The following PIBF1 variants were observed in gnomAD, a reference collection of about 807,000 sequenced individuals.
PIBF1 encodes progesterone immunomodulatory binding factor 1.
Under a neutral mutation model 112.5 loss-of-function variants are expected in PIBF1, and 90 were observed. The observed-to-expected ratio is 0.80, with a 90% CI of 0.67 to 0.95. The LOEUF (loss-of-function observed/expected upper bound fraction) is 0.95. Among genes scored for constraint, PIBF1 ranks in the 40% least tolerant of loss-of-function variants. PIBF1 has a pLI of 0.00. For synonymous variants in PIBF1, 301 were observed against 288.6 expected (o/e 1.04, Z -0.44); for missense variants, 915 against 852.3 (o/e 1.07, Z -0.92).
At chr13:72,944,258 C>A (rs530408726) in intron 14 of PIBF1, among the ~76,000 whole-genome samples, 19 of 151,924 alleles carry the variant, frequency 1.3e-4, no homozygotes, top group Non-Finnish European at 2.2e-4. Context: ...ACCAGCCTGG[C>A]CAACATGGTG....
At chr13:73,009,079 A>G (rs1325651370) in intron 17 of PIBF1, among the ~76,000 whole-genome samples, 2 of 151,888 alleles carry the variant, frequency 1.3e-5, no homozygotes, top group South Asian at 2.1e-4. Context: ...AGAGTGTGGC[A>G]TCTGTTCTTA....
chr13:72,882,183 C>G (rs1054095088), intron 10 of PIBF1, among the ~76,000 whole-genome samples: 1 of 152,066 alleles, frequency 6.6e-6, no homozygotes, highest in African/African-American at 2.4e-5. Flanking sequence ...CAACAACATA[C>G]ATTGGGGAAA....
intron 12 of PIBF1, among the ~76,000 whole-genome samples, chr13:72,909,753 A>G (rs1235942699): frequency 6.6e-6 from 1 of 152,084 alleles, no homozygotes; most frequent in Non-Finnish European, 1.5e-5. Flanking sequence ...CGACCTCCCA[A>G]AATGCTGGGA....
intron 16 of PIBF1, among the ~76,000 whole-genome samples, chr13:72,981,122 G>A (rs1307119523): frequency 1.3e-5 from 2 of 151,900 alleles, no homozygotes; most frequent in Admixed American, 6.6e-5. Context: ...GCAGACACCC[G>A]TAGTCCCAGC....
chr13:73,004,089 G>A (rs2043956553), intron 17 of PIBF1, among the ~76,000 whole-genome samples: 1 of 152,170 alleles, frequency 6.6e-6, no homozygotes, highest in South Asian at 2.1e-4. Context: ...GGTTTTGGAG[G>A]ACTCTAGGTT....
intron 2 of PIBF1, among the ~76,000 whole-genome samples, chr13:72,784,312 G>A (rs1019188500): frequency 1.3e-4 from 19 of 150,694 alleles, no homozygotes; most frequent in Non-Finnish European, 2.5e-4. Flanking sequence ...CAGCCATGAT[G>A]GTGGGTGCCT....
intron 4 of PIBF1, among the ~76,000 whole-genome samples, chr13:72,797,191 TA>T (rs1301354954): frequency 7.9e-5 from 12 of 152,254 alleles, no homozygotes; most frequent in African/African-American, 2.6e-4. Context: ...GGGACAGCAG[TA>T]AATAAAGCTT....
chr13:72,921,896 T>C (rs2041307793), intron 13 of PIBF1, among the ~76,000 whole-genome samples: 1 of 151,992 alleles, frequency 6.6e-6, no homozygotes, highest in East Asian at 1.9e-4. Flanking sequence ...ACAATTTGAG[T>C]TTTCATTTAA....
chr13:72,963,146 A>G lies in PIBF1; in HGVS notation c.1834-2128A>G, dbSNP rs1403842616. Among the ~76,000 whole-genome samples, 4 of 152,250 alleles carry G rather than the reference A, an allele frequency of 2.6e-5. No homozygotes were observed. In the East Asian group the frequency reaches 7.7e-4, roughly 29 times the overall value. ...TTCAAAAGCTAACTCAGACTGGATC[A>G]GAGACCTAAATTTAAGCATTAAAGG... On this transcript the variant is annotated intron_variant, in intron 14 of 17. Transcript: ENST00000326291.
At chr13:72,863,378 G>A (rs368436423) in intron 10 of PIBF1, among the ~76,000 whole-genome samples, 7 of 152,244 alleles carry the variant, frequency 4.6e-5, no homozygotes, top group Middle Eastern at 3.4e-3. Context: ...GGGCCAGGGC[G>A]CGGTGGCTCA....
At chr13:72,800,732 A>G (rs147312748) in intron 5 of PIBF1, among the ~76,000 whole-genome samples, 1,858 of 152,366 alleles carry the variant, frequency 0.012, 18 homozygotes, top group Middle Eastern at 0.027. Context: ...TTTTTAAAGG[A>G]TATCTGTGAG....
chr13:72,861,432 A>G (rs149014473), intron 10 of PIBF1, among the ~76,000 whole-genome samples: 84 of 152,206 alleles, frequency 5.5e-4, no homozygotes, highest in African/African-American at 1.9e-3. Context: ...CTCATTTTGT[A>G]TTAGTACAAG....
chr13:72,909,402 G>T (rs766759044), intron 12 of PIBF1, among the ~76,000 whole-genome samples: 7 of 151,914 alleles, frequency 4.6e-5, no homozygotes, highest in Non-Finnish European at 5.9e-5. Flanking sequence ...GTTCTCAGTG[G>T]AAATACAAAA....
At chr13:72,927,598 G>A (rs2138743456) in intron 13 of PIBF1, among the ~76,000 whole-genome samples, 1 of 152,216 alleles carries the variant, frequency 6.6e-6, no homozygotes. Flanking sequence ...TGTTGGCCAG[G>A]CTGGTCTCAA....
rs560847354 is a variant in PIBF1, at chr13:72,979,391, A to C, written c.2049+5716A>C. On this transcript the variant is annotated intron_variant, in intron 16 of 17. Coordinates refer to ENST00000326291, the MANE Select transcript of PIBF1 (RefSeq NM_006346.4). The stretch of plus-strand genomic sequence containing the variant: ...TTTTATCCACGTGTCCTTAGAATAT[A>C]AGCTTTTGAGAGTAGGAAAAGTATC... Among the ~76,000 whole-genome samples, 26 of 152,304 alleles carry C rather than the reference A, an allele frequency of 1.7e-4. 1 individual carries two copies. The South Asian group carries it at 5.4e-3, about 32-fold the overall frequency.
intron 10 of PIBF1, among the ~76,000 whole-genome samples, chr13:72,875,260 A>C (rs1251883622): frequency 6.6e-6 from 1 of 152,134 alleles, no homozygotes; most frequent in Non-Finnish European, 1.5e-5. Context: ...AGTGCTGAAT[A>C]GTATTCTATT....
Position 72,974,016 on chromosome 13 carries a change from A to G in PIBF1, c.2049+341A>G, listed in dbSNP as rs116806202. 3.0e-3 allele frequency: 938 copies of G among 309,426 alleles called. 15 individuals are homozygous for G. The highest frequency in any genetic ancestry group is 0.018 in the African/African-American group (848 of 47,062). 19.2% of individuals were successfully genotyped at this position (309,426 alleles called of 1,614,324 possible). ...TGTATGCCCAGTGCCTGTAGTGTAGATAATTTGTGTTGAGCTTTAAAGTTC... is the reference window on the plus strand; with the variant it reads ...TGTATGCCCAGTGCCTGTAGTGTAGGTAATTTGTGTTGAGCTTTAAAGTTC... On this transcript the variant is annotated intron_variant, in intron 16 of 17. Coordinates refer to ENST00000326291, the MANE Select transcript of PIBF1 (RefSeq NM_006346.4).
chr13:72,836,055 C>T lies in PIBF1; in HGVS notation c.1223+687C>T, dbSNP rs1387415938. 1.1e-5 allele frequency: 5 copies of T among 437,160 alleles called. No homozygotes were observed. In the Admixed American group the frequency reaches 1.3e-4, roughly 11 times the overall value. 27.1% of individuals were successfully genotyped at this position (437,160 alleles called of 1,614,324 possible). On this transcript the variant is annotated intron_variant, in intron 9 of 17. Coordinates refer to ENST00000326291, the MANE Select transcript of PIBF1 (RefSeq NM_006346.4). ...CAGAGCTTGCAGTGAGCCGAGATCGCACCACTACACTCCAGCCTTGGCGAA... is the reference window on the plus strand; with the variant it reads ...CAGAGCTTGCAGTGAGCCGAGATCGTACCACTACACTCCAGCCTTGGCGAA...
intron 14 of PIBF1, among the ~76,000 whole-genome samples, chr13:72,939,301 T>C (rs1039060269): frequency 2.0e-5 from 3 of 152,214 alleles, no homozygotes; most frequent in Admixed American, 2.0e-4. Context: ...CACAGTGTTG[T>C]ACAATCACTA....
Sources: gnomAD v4.1 joint callset for allele counts (sites outside exome capture counted in the v4.1 genomes callset) on GRCh38, gnomAD v4.1.1 for gene constraint, MANE v1.5 for transcripts, NCBI Gene and HGNC (gene_info 2026-07-23, HGNC 2026-07-21) for gene names.